Variants in LHFPL2 observed in about 807,000 individuals in gnomAD.
The protein encoded by LHFPL2 is LHFPL tetraspan subfamily member 2 protein.
A neutral mutation model predicts 17.5 loss-of-function variants in LHFPL2; 7 were observed. The observed-to-expected ratio is 0.40, with a 90% CI of 0.23 to 0.75. The LOEUF (loss-of-function observed/expected upper bound fraction) is 0.75, where lower values mean the gene tolerates loss of function less well. LHFPL2 is among the 30% of genes least tolerant of loss of function. LHFPL2 has a pLI of 0.37. For synonymous variants in LHFPL2, 134 were observed against 116.2 expected (o/e 1.15, Z -0.99); for missense variants, 241 against 294.8 (o/e 0.82, Z 1.34).
At chr5:78,543,241 G>A (rs568169224) in intron 3 of LHFPL2, among the ~76,000 whole-genome samples, 6 of 152,226 alleles carry the variant, frequency 3.9e-5, no homozygotes, top group East Asian at 3.9e-4. Flanking sequence ...GCATTTCACC[G>A]CAGATCGGCA....
At chr5:78,529,093 A>G (rs984165553) in intron 3 of LHFPL2, among the ~76,000 whole-genome samples, 6 of 151,938 alleles carry the variant, frequency 3.9e-5, no homozygotes, top group African/African-American at 1.5e-4. Context: ...CCTGGGCAAC[A>G]TAACAAGACC....
chr5:78,641,906 T>TATACACACAC (rs1368345111), intron 1 of LHFPL2: 3 of 107,690 alleles, frequency 2.8e-5, no homozygotes, highest in Non-Finnish European at 5.5e-5. Flanking sequence ...ATGTACAGTA[T>TATACACACAC]ACACACACAC....
At chr5:78,525,301 A>C (rs1161749394) in intron 3 of LHFPL2, among the ~76,000 whole-genome samples, 1 of 152,262 alleles carries the variant, frequency 6.6e-6, no homozygotes, top group Non-Finnish European at 1.5e-5. Flanking sequence ...TTCCCCAGCT[A>C]TAAAATGAGG....
intron 3 of LHFPL2, among the ~76,000 whole-genome samples, chr5:78,534,746 G>A (rs1233133648): frequency 6.6e-6 from 1 of 152,160 alleles, no homozygotes; most frequent in African/African-American, 2.4e-5. Flanking sequence ...TTTGTCAGGA[G>A]GCCCCATCAA....
At chr5:78,583,707 C>T (rs1377258060) in intron 2 of LHFPL2, among the ~76,000 whole-genome samples, 2 of 151,940 alleles carry the variant, frequency 1.3e-5, no homozygotes, top group East Asian at 1.9e-4. Context: ...TCTCTGGCTG[C>T]CCTTAACATT....
intron 3 of LHFPL2, among the ~76,000 whole-genome samples, chr5:78,516,938 T>C (rs1045678710): frequency 1.4e-4 from 22 of 152,120 alleles, no homozygotes; most frequent in Non-Finnish European, 2.1e-4. Flanking sequence ...CTGTTACCTT[T>C]CTTCACCTAC....
At chr5:78,578,163 C>T (rs1757180675) in intron 2 of LHFPL2, among the ~76,000 whole-genome samples, 1 of 152,164 alleles carries the variant, frequency 6.6e-6, no homozygotes, top group Non-Finnish European at 1.5e-5. Context: ...TAATTATGCT[C>T]CCTCTTCTGG....
chr5:78,498,632 G>A (rs1580746532), intron 4 of LHFPL2, among the ~76,000 whole-genome samples: 1 of 152,126 alleles, frequency 6.6e-6, no homozygotes, highest in African/African-American at 2.4e-5. Context: ...TTGCCATTAA[G>A]ATATTCTCTT....
At chr5:78,492,495 AATCCTTATTTTTGAT>A (rs1339657140) in intron 4 of LHFPL2, among the ~76,000 whole-genome samples, 1 of 152,166 alleles carries the variant, frequency 6.6e-6, no homozygotes, top group African/African-American at 2.4e-5. Flanking sequence ...CACTTAATAC[AATCCTTATTTTTGAT>A]AGCAATCAGG....
intron 3 of LHFPL2, among the ~76,000 whole-genome samples, chr5:78,539,766 A>G (rs552052530): frequency 6.8e-6 from 1 of 147,660 alleles, no homozygotes; most frequent in South Asian, 2.1e-4. Flanking sequence ...CACACTGGGC[A>G]TTTTTCTTGC....
intron 1 of LHFPL2, among the ~76,000 whole-genome samples, chr5:78,647,755 G>C (rs1388621064): frequency 6.6e-6 from 1 of 152,002 alleles, no homozygotes. Context: ...TAACAGAAAA[G>C]TCGAACGGGA....
chr5:78,615,102 T>A (rs1043997899), intron 2 of LHFPL2, among the ~76,000 whole-genome samples: 1 of 152,056 alleles, frequency 6.6e-6, no homozygotes, highest in Non-Finnish European at 1.5e-5. Context: ...ATTTCAGGAG[T>A]TGATGTCTGT....
chr5:78,506,464 T>C lies in LHFPL2; in HGVS notation c.430+3320A>G, dbSNP rs138496211. Among the ~76,000 whole-genome samples, 783 of 152,228 alleles carry C rather than the reference T, an allele frequency of 5.1e-3. 1 individual carries two copies. The highest frequency in any genetic ancestry group is 8.2e-3 in the Non-Finnish European group (555 of 68,024). Reference sequence around the variant, plus strand: ...ATCCAGGGCTGAGGGAGAGGGGGCATAGGGAGAGAAAAGGCAGATGCTCCC... The same window carrying C: ...ATCCAGGGCTGAGGGAGAGGGGGCACAGGGAGAGAAAAGGCAGATGCTCCC... On this transcript the variant is annotated intron_variant, in intron 4 of 4. Transcript: ENST00000380345.
At chr5:78,521,215 ATAAAATTAACGTG>A (rs1405877876) in intron 3 of LHFPL2, among the ~76,000 whole-genome samples, 2 of 152,350 alleles carry the variant, frequency 1.3e-5, no homozygotes, top group Non-Finnish European at 1.5e-5. Context: ...AAACAGTCCT[ATAAAATTAACGTG>A]TGCTATTTAT....
At chr5:78,498,270 G>A (rs1033425124) in intron 4 of LHFPL2, among the ~76,000 whole-genome samples, 1 of 152,182 alleles carries the variant, frequency 6.6e-6, no homozygotes, top group Non-Finnish European at 1.5e-5. Context: ...CTCAGGGTGG[G>A]GGTGTGTTTT....
intron 3 of LHFPL2, 51 bp from the exon 4 acceptor site, chr5:78,510,449 TC>T (rs1430668574): frequency 7.9e-6 from 4 of 503,534 alleles, no homozygotes; most frequent in Non-Finnish European, 1.4e-5. Context: ...CGCCCCGCCT[TC>T]CCGCCGCGCA....
intron 3 of LHFPL2, among the ~76,000 whole-genome samples, chr5:78,542,431 C>A (rs1756141124): frequency 6.6e-6 from 1 of 152,228 alleles, no homozygotes; most frequent in Non-Finnish European, 1.5e-5. Flanking sequence ...TTCCAGGAAT[C>A]ACCCTAGTGG....
chr5:78,550,087 A>G (rs1355104364), intron 3 of LHFPL2, among the ~76,000 whole-genome samples: 1 of 152,238 alleles, frequency 6.6e-6, no homozygotes, highest in Admixed American at 6.5e-5. Context: ...CAATAACAAT[A>G]AATAATATAA....
intron 3 of LHFPL2, among the ~76,000 whole-genome samples, chr5:78,535,030 C>A (rs137896919): frequency 2.0e-5 from 3 of 152,256 alleles, no homozygotes; most frequent in African/African-American, 4.8e-5. Flanking sequence ...TTGGAATGTA[C>A]GGAAAAAACC....
Sources: gnomAD v4.1 joint callset for allele counts (sites outside exome capture counted in the v4.1 genomes callset) on GRCh38, gnomAD v4.1.1 for gene constraint, MANE v1.5 for transcripts, NCBI Gene and HGNC (gene_info 2026-07-23, HGNC 2026-07-21) for gene names.